Variants in SPAG1 observed in about 807,000 individuals in gnomAD.
SPAG1 encodes sperm-associated antigen 1.
In SPAG1, 69 loss-of-function variants were observed where a neutral mutation model predicts 100.5. The ratio of observed to expected loss-of-function variants is 0.69; its 90% CI spans 0.57 to 0.84. SPAG1 has a LOEUF of 0.84. Among genes scored for constraint, SPAG1 ranks in the 40% least tolerant of loss-of-function variants. The probability of loss-of-function intolerance (pLI) is 0.00; values close to 1 mark genes in which losing one functional copy is unlikely to be tolerated. For synonymous variants in SPAG1, 336 were observed against 411.6 expected (o/e 0.82, Z 2.22); for missense variants, 955 against 1,133.1 (o/e 0.84, Z 2.26).
intron 2 of SPAG1, 192 bp from the exon 3 acceptor site, chr8:100,165,622 T>C: frequency 1.9e-6 from 1 of 527,494 alleles, no homozygotes; most frequent in Non-Finnish European, 3.3e-6. Context: ...GAGTTCCTTT[T>C]TTTCTTCTTT....
chr8:100,236,245 G>C (rs954123660), intron 16 of SPAG1, among the ~76,000 whole-genome samples: 6 of 152,164 alleles, frequency 3.9e-5, no homozygotes, highest in African/African-American at 1.4e-4. Context: ...GAGGCTGGTA[G>C]CTTATAGCTT....
chr8:100,213,067 T>C, intron 10 of SPAG1, 23 bp from the exon 11 acceptor site: 1 of 1,428,766 alleles, frequency 7.0e-7, no homozygotes, highest in Non-Finnish European at 9.1e-7. Flanking sequence ...AAACCCTCAC[T>C]TCCCGCATCC....
At chr8:100,237,157 T>C (rs548209042) in intron 16 of SPAG1, among the ~76,000 whole-genome samples, 1 of 152,318 alleles carries the variant, frequency 6.6e-6, no homozygotes, top group African/African-American at 2.4e-5. Flanking sequence ...CTTGGCTCAC[T>C]GCAACCTCCA....
intron 3 of SPAG1, among the ~76,000 whole-genome samples, chr8:100,176,036 A>G (rs1816096657): frequency 6.6e-6 from 1 of 151,954 alleles, no homozygotes; most frequent in Non-Finnish European, 1.5e-5. Flanking sequence ...ACTAATAAAT[A>G]TCCTTTGTGG....
At position 100,240,425 on chromosome 8, in the gene SPAG1, C is replaced by A; in HGVS notation, c.2303C>A (p.Pro768His). The A allele has an allele frequency of 6.2e-7, 1 of 1,600,562 alleles. No homozygotes were observed. Among genetic ancestry groups the A allele is most frequent in the African/African-American group, 1.4e-5 (1 of 73,930 alleles). Residue 768 changes from proline (P) to histidine (H), a missense_variant, in exon 18 of 19, where the codon CCT becomes CAT. Physicochemically the swap from Pro to His is moderately conservative, Grantham distance 77. Coordinates refer to ENST00000388798, the MANE Select transcript of SPAG1 (RefSeq NM_003114.5). ...AAGGTGAATGAAGGCAAGGAGGAGCCTGGAAGACCTGCAGGGGAGGTCTCC... is the reference window on the plus strand; with the variant it reads ...AAGGTGAATGAAGGCAAGGAGGAGCATGGAAGACCTGCAGGGGAGGTCTCC... ...IQEVNEGKEE[P>H]GRPAGEVSMG...
chr8:100,163,326 A>G (rs1056241079), intron 2 of SPAG1, among the ~76,000 whole-genome samples: 2 of 152,196 alleles, frequency 1.3e-5, no homozygotes, highest in African/African-American at 2.4e-5. Context: ...GTAGGTGTTC[A>G]AGGAACCCAC....
At chr8:100,218,531 G>A (rs1216465947) in intron 12 of SPAG1, among the ~76,000 whole-genome samples, 1 of 152,208 alleles carries the variant, frequency 6.6e-6, no homozygotes. Flanking sequence ...GACAGATCCT[G>A]ATGCCCACAG....
chr8:100,165,237 C>T (rs768366749), intron 2 of SPAG1: 4 of 519,466 alleles, frequency 7.7e-6, no homozygotes, highest in South Asian at 1.4e-5. Flanking sequence ...ACTTCCATCA[C>T]GACTCTAGGA....
At chr8:100,212,722 A>C (rs985871007) in intron 10 of SPAG1, among the ~76,000 whole-genome samples, 2 of 152,276 alleles carry the variant, frequency 1.3e-5, no homozygotes, top group Non-Finnish European at 2.9e-5. Context: ...AAGTTTTTGC[A>C]ACTCCATTCA....
At chr8:100,186,060 C>CTTT (rs71274962) in intron 7 of SPAG1, among the ~76,000 whole-genome samples, 2,712 of 89,822 alleles carry the variant, frequency 0.03, 122 homozygotes, top group Middle Eastern at 0.05. Flanking sequence ...TGGGCAGATT[C>CTTT]TTTTTTTTTT....
intron 14 of SPAG1, among the ~76,000 whole-genome samples, chr8:100,226,306 G>C (rs1818511282): frequency 6.6e-6 from 1 of 152,028 alleles, no homozygotes; most frequent in Non-Finnish European, 1.5e-5. Flanking sequence ...TTAAGGCAGG[G>C]GAATGTATTA....
At chr8:100,186,986 C>T in intron 7 of SPAG1, 134 bp from the exon 8 acceptor site, 1 of 689,312 alleles carries the variant, frequency 1.5e-6, no homozygotes, top group Non-Finnish European at 2.2e-6. Context: ...AGGACTTCAA[C>T]ATACGAATGT....
intron 2 of SPAG1, among the ~76,000 whole-genome samples, chr8:100,165,054 C>T (rs1815487596): frequency 6.6e-6 from 1 of 152,120 alleles, no homozygotes; most frequent in African/African-American, 2.4e-5. Context: ...CATATGAATT[C>T]CCTCTTCACA....
intron 10 of SPAG1, 143 bp downstream of exon 10, chr8:100,194,411 A>G (rs1586453116): frequency 8.4e-7 from 1 of 1,195,338 alleles, no homozygotes; most frequent in East Asian, 2.5e-5. Context: ...AGTTTCGCTC[A>G]TCTTTTTCTT....
chr8:100,229,173 C>T (rs1002830487), intron 14 of SPAG1, among the ~76,000 whole-genome samples: 8 of 151,254 alleles, frequency 5.3e-5, no homozygotes, highest in African/African-American at 7.3e-5. Flanking sequence ...TTTGGGAGGC[C>T]GAGGCAGCAC....
Position 100,240,660 on chromosome 8 carries a change from A to AG in SPAG1, c.2542dup (p.Asp848GlyfsTer13). On this transcript the variant is annotated frameshift_variant, in exon 18 of 19. Transcript: ENST00000388798. LOFTEE classifies it high-confidence loss of function. The stretch of plus-strand genomic sequence containing the variant: ...CGATGTTTTTAAGTAACAAACTTGA[A>AG]GGGGATACATTCCTTCTCCTCATTC... 6.2e-7 allele frequency: 1 copy of AG among 1,614,188 alleles called. No homozygotes were observed. Among genetic ancestry groups the AG allele is most frequent in the East Asian group, 2.2e-5 (1 of 44,892 alleles).
At chr8:100,172,909 C>T (rs1815939136) in intron 3 of SPAG1, among the ~76,000 whole-genome samples, 1 of 151,902 alleles carries the variant, frequency 6.6e-6, no homozygotes, top group Admixed American at 6.6e-5. Context: ...AATTAATCTA[C>T]CAGTCAAAAA....
intron 3 of SPAG1, among the ~76,000 whole-genome samples, chr8:100,172,688 G>GTA (rs1322945904): frequency 6.6e-6 from 1 of 151,540 alleles, no homozygotes; most frequent in African/African-American, 2.4e-5. Flanking sequence ...GTATGTATGT[G>GTA]TATATATATG....
intron 16 of SPAG1, among the ~76,000 whole-genome samples, chr8:100,236,530 G>A (rs568301945): frequency 6.6e-6 from 1 of 152,314 alleles, no homozygotes; most frequent in African/African-American, 2.4e-5. Context: ...TGACTGCAAT[G>A]AGGAAGTGGC....
Sources: gnomAD v4.1 joint callset for allele counts (sites outside exome capture counted in the v4.1 genomes callset) on GRCh38, gnomAD v4.1.1 for gene constraint, MANE v1.5 for transcripts, NCBI Gene and HGNC (gene_info 2026-07-23, HGNC 2026-07-21) for gene names.